The following DUSP15 variants were observed in gnomAD, a reference collection of about 807,000 sequenced individuals.
The protein encoded by DUSP15 is dual specificity protein phosphatase 15.
Under a neutral mutation model 26.3 loss-of-function variants are expected in DUSP15, and 23 were observed. The observed-to-expected ratio is 0.87, with a 90% CI of 0.63 to 1.24. The LOEUF (loss-of-function observed/expected upper bound fraction) is 1.24, where lower values mean the gene tolerates loss of function less well. DUSP15 is among the 50% of genes most tolerant of loss of function. The pLI, the probability that DUSP15 is intolerant of heterozygous loss-of-function variation, is 0.00. For missense variants in DUSP15, 364 were observed against 320.6 expected, an observed-to-expected ratio of 1.14 and a Z score of -1.03; for synonymous variants, 143 against 135.5, an observed-to-expected ratio of 1.06 and a Z score of -0.39.
Position 31,863,894 on chromosome 20 carries a change from C to T in DUSP15, c.263+13G>A, listed in dbSNP as rs201510689. The T allele has an allele frequency of 1.4e-5, 22 of 1,612,806 alleles. No individual in the cohort carries two copies. The highest frequency in any genetic ancestry group is 1.9e-5 in the Non-Finnish European group (22 of 1,179,048). ...CCTTCCTCCCCCACCTTATCCCCCTCCGCTTAACTCACCAGTGCACAAGGC... is the reference window on the plus strand; with the variant it reads ...CCTTCCTCCCCCACCTTATCCCCCTTCGCTTAACTCACCAGTGCACAAGGC... On this transcript the variant is annotated intron_variant, in intron 5 of 6. Coordinates refer to ENST00000339738, the MANE Select transcript of DUSP15 (RefSeq NM_080611.5).
chr20:31,845,930 A>G (rs977140266), downstream of DUSP15, among the ~76,000 whole-genome samples: 2 of 152,146 alleles, frequency 1.3e-5, no homozygotes, highest in South Asian at 2.1e-4. Context: ...GAGACAGGGA[A>G]AAAAGAGATA....
At chr20:31,861,736 C>CGGGGGCG in intron 6 of DUSP15, 61 bp from the exon 7 acceptor site, 1 of 1,290,396 alleles carries the variant, frequency 7.7e-7, no homozygotes, top group Non-Finnish European at 1.0e-6. Context: ...TCAAGGCAGC[C>CGGGGGCG]GGCCCCGCCC....
chr20:31,861,774 G>C, intron 6 of DUSP15, 99 bp from the exon 7 acceptor site: 2 of 967,808 alleles, frequency 2.1e-6, no homozygotes, highest in East Asian at 3.6e-5. Flanking sequence ...GCCCTTCTCC[G>C]AGCGTCCCAC....
intron 6 of DUSP15, chr20:31,850,736 A>G (rs1600434664): frequency 1.3e-6 from 2 of 1,554,854 alleles, no homozygotes; most frequent in East Asian, 2.3e-5. Context: ...CCCATAGATA[A>G]GGAGGAGGCC....
At chr20:31,859,744 G>A (rs898726076), downstream of DUSP15, among the ~76,000 whole-genome samples, 8 of 152,014 alleles carry the variant, frequency 5.3e-5, no homozygotes, top group Non-Finnish European at 1.0e-4. Flanking sequence ...TACAGCCTCC[G>A]CCTCCATGGA....
intron 6 of DUSP15, among the ~76,000 whole-genome samples, chr20:31,862,070 C>T (rs2062672927): frequency 1.3e-5 from 2 of 152,136 alleles, no homozygotes; most frequent in South Asian, 4.2e-4. Context: ...TTCCCAACGC[C>T]GTGCTGCAGA....
intron 4 of DUSP15, chr20:31,864,183 C>A: frequency 7.3e-7 from 1 of 1,378,116 alleles, no homozygotes; most frequent in Non-Finnish European, 9.4e-7. Context: ...GCATTTCAGG[C>A]AGTGAGAGAG....
chr20:31,857,516 A>G (rs1374486262), downstream of DUSP15, among the ~76,000 whole-genome samples: 2 of 151,180 alleles, frequency 1.3e-5, no homozygotes, highest in Admixed American at 1.3e-4. Flanking sequence ...AAGAGTTCCA[A>G]CTCTTCATGA....
chr20:31,849,230 C>T (rs1054299879), intron 8 of DUSP15, among the ~76,000 whole-genome samples: 1 of 152,100 alleles, frequency 6.6e-6, no homozygotes, highest in African/African-American at 2.4e-5. Flanking sequence ...TAAGCCAACA[C>T]ATGTACCGAA....
chr20:31,870,630 C>T, upstream of DUSP15: 4 of 1,327,712 alleles, frequency 3.0e-6, no homozygotes, highest in South Asian at 6.5e-5. The surrounding 1 kb of genome is among the most constrained non-coding windows in gnomAD (Gnocchi z 6.6). Flanking sequence ...CCGGACAAAG[C>T]CCCAGTGTGC....
chr20:31,855,185 A>G (rs1190319013), intron 6 of DUSP15, among the ~76,000 whole-genome samples: 2 of 152,188 alleles, frequency 1.3e-5, no homozygotes, highest in East Asian at 3.8e-4. Context: ...ACAGACTGTA[A>G]AAAGGACACG....
At chr20:31,850,837 G>A (rs2062456688) in intron 6 of DUSP15, among the ~76,000 whole-genome samples, 1 of 152,174 alleles carries the variant, frequency 6.6e-6, no homozygotes, top group African/African-American at 2.4e-5. Context: ...AAGGAACCCT[G>A]CTGGGCCAGC....
At position 31,870,246 on chromosome 20, in the gene DUSP15, C is replaced by A. The variant is rs991391584; in HGVS notation, c.21+71G>T. On this transcript the variant is annotated intron_variant, in intron 1 of 6. Transcript: ENST00000339738. This position sits in a 1 kb window ranked among gnomAD's most constrained non-coding sequence, Gnocchi z 6.6. ...AACAGAAGGTCAGAGGCGGGCGGAC[C>A]GAGCTGGTCAGCGCCGGGCCGCGGC... 3 of 1,225,236 alleles carry A rather than the reference C, an allele frequency of 2.4e-6. No homozygotes were observed. Among genetic ancestry groups the A allele is most frequent in the African/African-American group, 1.6e-5 (1 of 63,952 alleles). 75.9% of individuals were successfully genotyped at this position (1,225,236 alleles called of 1,614,324 possible).
exon 10 of DUSP15, chr20:31,847,830 CAG>C (rs919054291): frequency 1.7e-4 from 26 of 152,354 alleles, no homozygotes; most frequent in African/African-American, 6.3e-4. Context: ...TCTTCAAAGA[CAG>C]CATCCTACAG....
At chr20:31,864,085 G>C in intron 4 of DUSP15, 104 bp from the exon 5 acceptor site, 1 of 1,561,214 alleles carries the variant, frequency 6.4e-7, no homozygotes, top group Non-Finnish European at 8.7e-7. Context: ...TAGAGCCCTG[G>C]GGTCCCCAGG....
intron 6 of DUSP15, among the ~76,000 whole-genome samples, chr20:31,852,927 CTT>C (rs1226633515): frequency 6.6e-6 from 1 of 152,192 alleles, no homozygotes; most frequent in Admixed American, 6.5e-5. Flanking sequence ...GGAGGGGCCT[CTT>C]TGTTGGTGCC....
chr20:31,852,423 G>T (rs916416391), intron 6 of DUSP15, among the ~76,000 whole-genome samples: 13 of 152,182 alleles, frequency 8.5e-5, no homozygotes, highest in African/African-American at 2.9e-4. Flanking sequence ...TGAGCAAAGA[G>T]ATCCTTGTTG....
chr20:31,852,999 G>T (rs186277190), intron 6 of DUSP15, among the ~76,000 whole-genome samples: 11 of 146,504 alleles, frequency 7.5e-5, no homozygotes, highest in African/African-American at 2.2e-4. Flanking sequence ...GGGGGCCTTG[G>T]GGGGGCATTT....
At position 31,850,474 on chromosome 20, in the gene DUSP15, G is replaced by A. The variant is rs938873233; in HGVS notation, c.491+138C>T. 3.4e-6 allele frequency: 3 copies of A among 874,400 alleles called. No individual in the cohort carries two copies. In the African/African-American group the frequency reaches 5.0e-5, roughly 15 times the overall value. 54.2% of individuals were successfully genotyped at this position (874,400 alleles called of 1,614,324 possible). Reference sequence around the variant, plus strand: ...TGCCTGGCATAAACTAAGCCCTCAGGAAATGTTGACTGTTGTGGCTATTAT... The same window carrying A: ...TGCCTGGCATAAACTAAGCCCTCAGAAAATGTTGACTGTTGTGGCTATTAT... On this transcript the variant is annotated intron_variant, in intron 7 of 9. Transcript: ENST00000278979.
Sources: allele counts gnomAD v4.1 joint callset (sites outside exome capture counted in the v4.1 genomes callset), GRCh38; gene constraint gnomAD v4.1.1; non-coding constraint Gnocchi (gnomAD v3.1); transcripts MANE v1.5; gene names NCBI Gene and HGNC (gene_info 2026-07-23, HGNC 2026-07-21).